FLNB: variants seen among roughly 807,000 people sequenced by gnomAD.
The protein encoded by FLNB is filamin-B.
A neutral mutation model predicts 250.6 loss-of-function variants in FLNB; 111 were observed. That is an observed-to-expected ratio of 0.44 (90% CI 0.38 to 0.52). The LOEUF (loss-of-function observed/expected upper bound fraction) is 0.52. FLNB is among the 20% of genes least tolerant of loss of function. The probability of loss-of-function intolerance (pLI) is 0.00; values close to 1 mark genes in which losing one functional copy is unlikely to be tolerated. For synonymous variants in FLNB, 1,302 were observed against 1,372.1 expected, an observed-to-expected ratio of 0.95 and a Z score of 1.13; for missense variants, 2,869 against 3,447.8, an observed-to-expected ratio of 0.83 and a Z score of 4.20.
intron 1 of FLNB, among the ~76,000 whole-genome samples, chr3:58,047,925 C>T (rs2097156535): frequency 6.6e-6 from 1 of 152,078 alleles, no homozygotes; most frequent in Admixed American, 6.6e-5. Flanking sequence ...CCCTTCACCC[C>T]CACATACTCC....
chr3:58,011,919 G>C (rs1320719038), intron 1 of FLNB, among the ~76,000 whole-genome samples: 2 of 152,148 alleles, frequency 1.3e-5, no homozygotes, highest in African/African-American at 4.8e-5. Flanking sequence ...TATCTCAAAA[G>C]TAATGCCAGG....
In FLNB at chr3:58,168,828, G is replaced by A. The variant is rs28595232; in HGVS notation, c.7417+170G>A. On this transcript the variant is annotated intron_variant, in intron 44 of 45. Transcript: ENST00000295956. ...AGGGCAGTGTTTGAAACTTACAAAAGTCCACAGAGTGGAGCCGTGCAGAAG... is the reference window on the plus strand; with the variant it reads ...AGGGCAGTGTTTGAAACTTACAAAAATCCACAGAGTGGAGCCGTGCAGAAG... 1.7e-3 allele frequency: 1,151 copies of A among 673,844 alleles called. 11 individuals carry two copies. Among genetic ancestry groups the A allele is most frequent in the African/African-American group, 0.017 (942 of 56,700 alleles). The allele number at this position is 673,844 out of a possible 1,614,324, so 41.7% of individuals were successfully genotyped here.
At chr3:58,020,484 C>T (rs1367746035) in intron 1 of FLNB, among the ~76,000 whole-genome samples, 1 of 152,214 alleles carries the variant, frequency 6.6e-6, no homozygotes, top group Non-Finnish European at 1.5e-5. Flanking sequence ...GCTGGTCCGT[C>T]CAGCCCATTC....
intron 18 of FLNB, among the ~76,000 whole-genome samples, chr3:58,115,004 T>C (rs947021651): frequency 2.6e-5 from 4 of 152,222 alleles, no homozygotes; most frequent in Non-Finnish European, 4.4e-5. Flanking sequence ...GTTTGCCTTT[T>C]CACGCCGTTA....
chr3:58,162,336 G>A (rs73075934), intron 42 of FLNB, among the ~76,000 whole-genome samples: 21,096 of 152,152 alleles, frequency 0.14, 1,962 homozygotes, highest in Middle Eastern at 0.22. Flanking sequence ...GCGGCAGTCA[G>A]GTGGTGCACA....
Position 58,137,181 on chromosome 3 carries a change from G to A in FLNB, c.4861+1013G>A, listed in dbSNP as rs113663133. ...CTTGATGTGTTCTGTTTCTCTCTTA[G>A]CCCATCTTTTTTTGAATGGAGAAAA... On this transcript the variant is annotated intron_variant, in intron 28 of 45. Transcript: ENST00000295956. Among the ~76,000 whole-genome samples the A allele has an allele frequency of 6.2e-3, 950 of 152,238 alleles. 8 individuals carry two copies. Among genetic ancestry groups the A allele is most frequent in the African/African-American group, 0.022 (899 of 41,532 alleles).
At position 58,142,806 on chromosome 3, in the gene FLNB, C is replaced by A; in HGVS notation, c.5284+54C>A. 6.7e-7 allele frequency: 1 copy of A among 1,484,054 alleles called. No individual in the cohort carries two copies. Among genetic ancestry groups the A allele is most frequent in the Non-Finnish European group, 9.4e-7 (1 of 1,063,872 alleles). 91.9% of individuals were successfully genotyped at this position (1,484,054 alleles called of 1,614,324 possible). On this transcript the variant is annotated intron_variant, in intron 31 of 45. Transcript: ENST00000295956. The surrounding 1 kb of genome is among the most constrained non-coding windows in gnomAD (Gnocchi z 4.3). ...TTCTCACTTGCTCTCACGAGCTTCCCAGAATGGTGCTGGGGAGGTGTGTCC... is the reference window on the plus strand; with the variant it reads ...TTCTCACTTGCTCTCACGAGCTTCCAAGAATGGTGCTGGGGAGGTGTGTCC...
chr3:58,048,210 GC>G (rs956902146), intron 1 of FLNB, among the ~76,000 whole-genome samples: 1 of 152,106 alleles, frequency 6.6e-6, no homozygotes, highest in Non-Finnish European at 1.5e-5. Context: ...ATCAAGAACA[GC>G]CCCCCTGCCT....
chr3:58,055,278 A>G (rs2097168689), intron 1 of FLNB, among the ~76,000 whole-genome samples: 1 of 151,984 alleles, frequency 6.6e-6, no homozygotes, highest in South Asian at 2.1e-4. Context: ...AAAAAAAAAA[A>G]ACTTACTCTT....
Position 58,163,173 on chromosome 3 carries a change from C to A in FLNB, c.7041C>A (p.Phe2347Leu), listed in dbSNP as rs139325959. 768 of 1,614,216 alleles carry A rather than the reference C, an allele frequency of 4.8e-4. No homozygotes were observed. Among genetic ancestry groups the A allele is most frequent in the South Asian group, 6.0e-4 (55 of 91,088 alleles). ...TCCTAGATAAGTATGCTGTTCGCTT[C>A]ATCCCTCATGAGAATGGTGTCCACA... ...ELEPDKYAVR[F>L]IPHENGVHTI... Residue 2347 changes from phenylalanine (F) to leucine (L), a missense_variant, in exon 43 of 46, where the codon TTC (phenylalanine) becomes TTA (leucine). Coordinates refer to ENST00000295956, the MANE Select transcript of FLNB (RefSeq NM_001457.4).
intron 1 of FLNB, among the ~76,000 whole-genome samples, chr3:58,027,004 G>A (rs1368398812): frequency 6.6e-6 from 1 of 152,150 alleles, no homozygotes; most frequent in Non-Finnish European, 1.5e-5. Flanking sequence ...AGCTACTAAA[G>A]GTGACTGTCA....
intron 45 of FLNB, among the ~76,000 whole-genome samples, chr3:58,170,144 T>C (rs570636067): frequency 1.3e-5 from 2 of 152,308 alleles, no homozygotes; most frequent in South Asian, 4.1e-4. Context: ...TAAATCTCTT[T>C]CCAAAAGTCA....
At chr3:58,008,883 C>T (rs773468990) in intron 1 of FLNB, 27 bp downstream of exon 1, 2 of 1,612,990 alleles carry the variant, frequency 1.2e-6, no homozygotes, top group Non-Finnish European at 8.5e-7. Flanking sequence ...GGCCCAGGCG[C>T]CCACTGTGGT....
intron 1 of FLNB, among the ~76,000 whole-genome samples, chr3:58,059,488 C>T (rs1250757737): frequency 3.3e-5 from 5 of 152,074 alleles, no homozygotes; most frequent in African/African-American, 9.7e-5. Context: ...CTTGTTGAGC[C>T]GGGAAGCAGC....
In FLNB at chr3:58,148,768, C is replaced by A; in HGVS notation, c.6007C>A (p.Arg2003Ser). 1 of 1,614,060 alleles carries A rather than the reference C, an allele frequency of 6.2e-7. No homozygotes were observed. The highest frequency in any genetic ancestry group is 8.5e-7 in the Non-Finnish European group (1 of 1,180,028). Residue 2003 changes from arginine to serine, a missense_variant, in exon 36 of 46, where the codon CGC becomes AGC. By Grantham distance (110) the Arg-to-Ser change is moderately radical. Transcript: ENST00000295956. Reference sequence around the variant, plus strand: ...GGTCCAGTCGGAGATTGGTGACGCCCGCCGAGCCAAAGTCTATGGCCGCGG... The same window carrying A: ...GGTCCAGTCGGAGATTGGTGACGCCAGCCGAGCCAAAGTCTATGGCCGCGG... ...MVVQSEIGDA[R>S]RAKVYGRGLS...
intron 3 of FLNB, 90 bp from the exon 4 acceptor site, chr3:58,081,539 G>A: frequency 8.6e-7 from 1 of 1,164,594 alleles, no homozygotes. Context: ...CTTAATATTT[G>A]TAGTGCTTGG....
At position 58,125,698 on chromosome 3, in the gene FLNB, A is replaced by G. The variant is rs1253515687; in HGVS notation, c.4016A>G (p.Lys1339Arg). 1 of 1,614,160 alleles carries G rather than the reference A, an allele frequency of 6.2e-7. No individual in the cohort carries two copies. Among genetic ancestry groups the G allele is most frequent in the African/African-American group, 1.3e-5 (1 of 75,036 alleles). ...SRVQAQGPGL[K>R]EAFTNKPNVF... The stretch of plus-strand genomic sequence containing the variant: ...GTGCAAGCCCAAGGACCTGGATTGA[A>G]AGAGGCCTTTACCAACAAGCCCAAT... Residue 1339 changes from lysine (K) to arginine (R), a missense_variant, in exon 23 of 46, where the codon AAA (lysine) becomes AGA (arginine). Lys to Arg is a conservative substitution (Grantham distance 26). Around this residue, in one of 5 missense-constraint regions of FLNB, gnomAD observed 1,348 missense variants for 1,466.7 expected, o/e 0.92. Transcript: ENST00000295956.
chr3:58,021,324 T>C (rs926585596), intron 1 of FLNB, among the ~76,000 whole-genome samples: 1 of 152,130 alleles, frequency 6.6e-6, no homozygotes, highest in Non-Finnish European at 1.5e-5. Context: ...TGTGAGTCTG[T>C]AGTGCTATCA....
chr3:58,035,237 C>G (rs548659563), intron 1 of FLNB, among the ~76,000 whole-genome samples: 2 of 152,284 alleles, frequency 1.3e-5, no homozygotes, highest in African/African-American at 4.8e-5. Flanking sequence ...GCAGATCAAA[C>G]AGGAAAACAA....
Sources: gnomAD v4.1 joint callset for allele counts (sites outside exome capture counted in the v4.1 genomes callset) on GRCh38, gnomAD v4.1.1 for gene constraint, gnomAD v4.1.1 regional missense constraint, Gnocchi (gnomAD v3.1) non-coding constraint, MANE v1.5 for transcripts, NCBI Gene and HGNC (gene_info 2026-07-23, HGNC 2026-07-21) for gene names.